The following CDC42BPB variants were observed in gnomAD, a reference collection of about 807,000 sequenced individuals.
CDC42BPB encodes the protein serine/threonine-protein kinase MRCK beta.
In CDC42BPB, 37 loss-of-function variants were observed where a neutral mutation model predicts 214.9. That is an observed-to-expected ratio of 0.17 (90% CI 0.13 to 0.23). The LOEUF is 0.23. CDC42BPB is among the 10% of genes least tolerant of loss of function. The pLI is 1.00. For synonymous variants in CDC42BPB, 931 were observed against 884.0 expected (o/e 1.05, Z -0.94); for missense variants, 1,694 against 2,227.0 (o/e 0.76, Z 4.82).
chr14:102,986,782 C>T, intron 5 of CDC42BPB: 2 of 957,510 alleles, frequency 2.1e-6, no homozygotes, highest in Non-Finnish European at 1.2e-6. Flanking sequence ...CGTTTAGTCC[C>T]CAGTTACCCT....
intron 5 of CDC42BPB, among the ~76,000 whole-genome samples, chr14:102,993,818 T>C (rs951067280): frequency 1.3e-5 from 2 of 152,210 alleles, no homozygotes; most frequent in African/African-American, 4.8e-5. Flanking sequence ...ACAAGCTCTA[T>C]ACCTGGCTGC....
chr14:103,011,942 C>G (rs530216334), intron 2 of CDC42BPB, among the ~76,000 whole-genome samples, 155 bp downstream of exon 2: 67 of 152,172 alleles, frequency 4.4e-4, no homozygotes, highest in Middle Eastern at 6.8e-3. Context: ...ATGGTGAGAC[C>G]TCATCTTAGA....
In CDC42BPB at chr14:102,968,628, A is replaced by G; in HGVS notation, c.2084T>C (p.Leu695Ser). Residue 695 changes from leucine (L) to serine (S), a missense_variant, in exon 15 of 37, where the codon TTA becomes TCA. Coordinates refer to ENST00000361246, the MANE Select transcript of CDC42BPB (RefSeq NM_006035.4). ...TCTGACCAATTCCTCTTCATAAAAT[A>G]AGACTTTCTTCTCCAGCTCGGATTT... ...KIKSELEKKVLFYEEELVRRE... is the reference protein window; with the variant it reads ...KIKSELEKKVSFYEEELVRRE... 6.2e-7 allele frequency: 1 copy of G among 1,614,240 alleles called. No individual in the cohort carries two copies. The highest frequency in any genetic ancestry group is 1.3e-5 in the African/African-American group (1 of 75,060).
chr14:102,970,388 A>C, intron 13 of CDC42BPB, 127 bp from the exon 14 acceptor site: 1 of 1,396,630 alleles, frequency 7.2e-7, no homozygotes, highest in Non-Finnish European at 9.3e-7. Flanking sequence ...ACCCTTCATC[A>C]AATCTTATCA....
chr14:103,016,865 G>A (rs907627460), intron 1 of CDC42BPB, among the ~76,000 whole-genome samples: 2 of 152,244 alleles, frequency 1.3e-5, no homozygotes, highest in Non-Finnish European at 2.9e-5. Flanking sequence ...AGCACACCCA[G>A]TGTGGACCAT....
chr14:102,987,548 C>T (rs1303605844), intron 5 of CDC42BPB, among the ~76,000 whole-genome samples: 1 of 152,092 alleles, frequency 6.6e-6, no homozygotes, highest in Non-Finnish European at 1.5e-5. Flanking sequence ...GTGTGATAGA[C>T]ACCACACCCC....
chr14:102,981,412 A>C (rs1893992019), intron 7 of CDC42BPB, among the ~76,000 whole-genome samples: 1 of 152,194 alleles, frequency 6.6e-6, no homozygotes, highest in South Asian at 2.1e-4. Flanking sequence ...GAAACACAAC[A>C]TGCTCAGGAC....
chr14:102,968,223 G>T, intron 16 of CDC42BPB, 30 bp downstream of exon 16: 1 of 1,522,302 alleles, frequency 6.6e-7, no homozygotes, highest in Non-Finnish European at 9.1e-7. Flanking sequence ...TCCACACAAA[G>T]TGCTAACTCA....
At chr14:103,017,197 C>A (rs1886513385) in intron 1 of CDC42BPB, among the ~76,000 whole-genome samples, 2 of 152,088 alleles carry the variant, frequency 1.3e-5, no homozygotes. Context: ...GCGGCACACA[C>A]CTGTGGTTCT....
intron 36 of CDC42BPB, among the ~76,000 whole-genome samples, chr14:102,935,243 A>ATT (rs1891598457): frequency 6.6e-6 from 1 of 152,214 alleles, no homozygotes; most frequent in East Asian, 1.9e-4. Context: ...AAAAACTAAT[A>ATT]AGCTCAGCAA....
intron 18 of CDC42BPB, chr14:102,964,883 A>G (rs1342225209): frequency 1.8e-6 from 1 of 545,750 alleles, no homozygotes; most frequent in Non-Finnish European, 2.3e-6. Flanking sequence ...ATCTTTTAGA[A>G]GAATAAAAGT....
chr14:103,017,306 T>G lies in CDC42BPB; in HGVS notation c.176-5118A>C, dbSNP rs1204567506. Among the ~76,000 whole-genome samples the G allele has an allele frequency of 2.0e-5, 3 of 152,038 alleles. No homozygotes were observed. In the East Asian group the frequency reaches 5.8e-4, roughly 29 times the overall value. On this transcript the variant is annotated intron_variant, in intron 1 of 36. Transcript: ENST00000361246. ...CACTGCACTCCAGGCTGGACAACAG[T>G]GAGAACTTGTCTCAAAACAAAAACA...
Position 102,975,966 on chromosome 14 carries a change from T to C in CDC42BPB, c.1304A>G (p.Glu435Gly). 6.2e-7 allele frequency: 1 copy of C among 1,614,212 alleles called. No individual in the cohort carries two copies. Among genetic ancestry groups the C allele is most frequent in the Non-Finnish European group, 8.5e-7 (1 of 1,180,026 alleles). The change falls in exon 10 of 37, where the codon GAG (glutamate) becomes GGG (glycine). Residue 435 changes from glutamate to glycine, a missense_variant. Transcript: ENST00000361246. ...GTAAGCTTCCATCTGCAGGCTGTGC[T>C]CCAGGTCCCGCTGCACATCCTCATC... ...TKDEDVQRDL[E>G]HSLQMEAYER...
At chr14:103,037,672 G>C (rs1232793060) in intron 1 of CDC42BPB, among the ~76,000 whole-genome samples, 8 of 152,152 alleles carry the variant, frequency 5.3e-5, no homozygotes, top group Non-Finnish European at 1.2e-4. Flanking sequence ...CGGGCCCAAA[G>C]CTAAGGGCTT....
chr14:102,974,592 T>C (rs1317099454), intron 11 of CDC42BPB, among the ~76,000 whole-genome samples: 1 of 151,988 alleles, frequency 6.6e-6, no homozygotes, highest in Non-Finnish European at 1.5e-5. Flanking sequence ...GCAGAGAAGG[T>C]GAGATTCAAA....
At chr14:102,963,176 C>G (rs777061452) in intron 19 of CDC42BPB, 21 bp from the exon 20 acceptor site, 25 of 1,570,420 alleles carry the variant, frequency 1.6e-5, no homozygotes, top group Non-Finnish European at 2.2e-5. Context: ...AAATAAATGG[C>G]TTTAAGTGCA....
rs924097013 is a variant in CDC42BPB, at chr14:102,933,739, G to A, written c.5109C>T (p.Gly1703=). The change falls in exon 37 of 37, where the codon GGC becomes GGT. Residue 1703 remains glycine (G), a synonymous_variant. Coordinates refer to ENST00000361246, the MANE Select transcript of CDC42BPB (RefSeq NM_006035.4). ...AGGTGTCACAGGCCGGCTGCTCCAGGCCTTCGAGGGGGAGCTGGCTCCTGT... is the reference window on the plus strand; with the variant it reads ...AGGTGTCACAGGCCGGCTGCTCCAGACCTTCGAGGGGGAGCTGGCTCCTGT... ...SPHRSQLPLE[G]LEQPACDT 6.7e-7 allele frequency: 1 copy of A among 1,490,092 alleles called. No homozygotes were observed. The highest frequency in any genetic ancestry group is 8.8e-7 in the Non-Finnish European group (1 of 1,135,310). The allele number at this position is 1,490,092 out of a possible 1,614,324, so 92.3% of individuals were successfully genotyped here.
At chr14:103,018,290 C>G (rs1886579772) in intron 1 of CDC42BPB, among the ~76,000 whole-genome samples, 1 of 152,146 alleles carries the variant, frequency 6.6e-6, no homozygotes, top group Non-Finnish European at 1.5e-5. Flanking sequence ...GTAAAGTATT[C>G]AATGGCAAAC....
chr14:103,023,206 C>CA (rs1338538048), intron 1 of CDC42BPB, among the ~76,000 whole-genome samples: 2 of 145,790 alleles, frequency 1.4e-5, no homozygotes, highest in African/African-American at 5.1e-5. Flanking sequence ...CTCACTCCAT[C>CA]ACCCAGGCTG....
Sources: allele counts gnomAD v4.1 joint callset (sites outside exome capture counted in the v4.1 genomes callset), GRCh38; gene constraint gnomAD v4.1.1; transcripts MANE v1.5; gene names NCBI Gene and HGNC (gene_info 2026-07-23, HGNC 2026-07-21).